Variants in OTOA observed in about 807,000 individuals in gnomAD.
The protein encoded by OTOA is cancer/testis antigen 108.
OTOA carries 70 observed loss-of-function variants against 110.8 expected under a neutral mutation model. The observed-to-expected ratio is 0.63, with a 90% CI of 0.52 to 0.77. The LOEUF (loss-of-function observed/expected upper bound fraction) is 0.77, where lower values mean the gene tolerates loss of function less well. OTOA is among the 30% of genes least tolerant of loss of function. The pLI is 0.00. For missense variants in OTOA, 917 were observed against 1,075.8 expected (o/e 0.85, Z 2.06); for synonymous variants, 373 against 431.5 (o/e 0.86, Z 1.68).
chr16:21,759,858 C>T (rs147360595), intron 28 of OTOA, among the ~76,000 whole-genome samples: 21,542 of 150,874 alleles, frequency 0.14, 1,994 homozygotes, highest in East Asian at 0.27. Context: ...CGAGATGGCG[C>T]CATTGCACTC....
chr16:21,675,151 TTCTC>T (rs1202603333), intron 1 of OTOA, among the ~76,000 whole-genome samples: 1 of 147,776 alleles, frequency 6.8e-6, no homozygotes, highest in Non-Finnish European at 1.5e-5. Context: ...TTCTTTTTCT[TTCTC>T]TCTCTCTCTT....
At chr16:21,664,668 T>C (rs1303626241) in intron 1 of OTOA, among the ~76,000 whole-genome samples, 1 of 152,044 alleles carries the variant, frequency 6.6e-6, no homozygotes, top group African/African-American at 2.4e-5. Context: ...ATAACAGTTG[T>C]GTGGAAGAAA....
intron 21 of OTOA, among the ~76,000 whole-genome samples, chr16:21,734,760 C>T (rs1194297761): frequency 1.3e-5 from 2 of 151,964 alleles, no homozygotes; most frequent in Non-Finnish European, 2.9e-5. Flanking sequence ...CGGCGTGAAC[C>T]CAGGGGGCAG....
rs1262338081 is a variant in OTOA, at chr16:21,689,837, C to T, written c.636-1747C>T. On this transcript the variant is annotated intron_variant, in intron 8 of 28. Coordinates refer to ENST00000646100, the MANE Select transcript of OTOA (RefSeq NM_144672.4). ...AGTAGCTGGGATTACAGGTGCATGC[C>T]ACCACGCCTGGCTACTTTTTGTATT... is the stretch of plus-strand genomic sequence containing the variant. Among the ~76,000 whole-genome samples the T allele has an allele frequency of 3.9e-5, 6 of 152,170 alleles. No homozygotes were observed. In the South Asian group the frequency reaches 1.0e-3, roughly 26 times the overall value.
intron 12 of OTOA, among the ~76,000 whole-genome samples, chr16:21,709,532 A>G (rs1898290501): frequency 6.6e-6 from 1 of 152,220 alleles, no homozygotes; most frequent in Non-Finnish European, 1.5e-5. Context: ...ATATATGGAT[A>G]TAGAGTTCAA....
intron 17 of OTOA, among the ~76,000 whole-genome samples, chr16:21,720,191 A>T (rs1898686480): frequency 6.6e-6 from 1 of 152,120 alleles, no homozygotes; most frequent in Non-Finnish European, 1.5e-5. Context: ...CCTGGGCTCA[A>T]GTGATCCTCC....
chr16:21,671,465 TAATCCTAGCTACTCAGGAGGCTGAGGC>T (rs1307691327), intron 1 of OTOA, among the ~76,000 whole-genome samples: 1 of 151,288 alleles, frequency 6.6e-6, no homozygotes, highest in African/African-American at 2.4e-5. Context: ...TGGGTACCTG[TAATCCTAGCTACTCAGGAGGCTGAGGC>T]AGAAGAATCG....
At chr16:21,755,994 T>C (rs1899973716) in intron 27 of OTOA, among the ~76,000 whole-genome samples, 2 of 149,336 alleles carry the variant, frequency 1.3e-5, no homozygotes, top group African/African-American at 4.9e-5. Context: ...TGTTCTGGAG[T>C]GGGGTTCCTG....
intron 19 of OTOA, among the ~76,000 whole-genome samples, chr16:21,727,666 G>C (rs7184989): frequency 0.56 from 84,683 of 151,862 alleles, 25,965 homozygotes; most frequent in African/African-American, 0.83. Flanking sequence ...GGTGGTTGAA[G>C]TCTGGAATAT....
intron 1 of OTOA, among the ~76,000 whole-genome samples, chr16:21,668,426 A>G (rs949840030): frequency 7.5e-6 from 1 of 133,526 alleles, no homozygotes; most frequent in Non-Finnish European, 1.7e-5. Context: ...ATTTTATTTT[A>G]TGGTATTTTT....
At chr16:21,701,163 T>G in intron 11 of OTOA, 136 bp downstream of exon 11, 6 of 1,344,654 alleles carry the variant, frequency 4.5e-6, no homozygotes, top group Non-Finnish European at 6.2e-6. Flanking sequence ...CATATTTCTC[T>G]GTGCATGTGA....
intron 8 of OTOA, among the ~76,000 whole-genome samples, chr16:21,689,463 G>A (rs533450276): frequency 1.3e-5 from 2 of 152,086 alleles, no homozygotes; most frequent in Non-Finnish European, 2.9e-5. Flanking sequence ...AGAGTTTATT[G>A]GTTACTGCTC....
chr16:21,697,791 G>A lies in OTOA; in HGVS notation c.756G>A (p.Trp252Ter), dbSNP rs757776212. Residue 252 changes from tryptophan to a stop codon, truncating the protein, a stop_gained, in exon 10 of 29, where the codon TGG becomes TGA. Transcript: ENST00000646100. LOFTEE classifies it high-confidence loss of function. ...TTTTTGTAGATGACTCTGCTTCATG[G>A]GTCAGTGCGGAACACTTATGGGTTT... The part of the protein sequence containing the change: ...SSNATDDSAS[W>*]VSAEHLWVLG... The A allele has an allele frequency of 6.2e-7, 1 of 1,613,958 alleles. No individual in the cohort carries two copies. Among genetic ancestry groups the A allele is most frequent in the Non-Finnish European group, 8.5e-7 (1 of 1,179,966 alleles).
intron 24 of OTOA, among the ~76,000 whole-genome samples, chr16:21,749,576 T>C (rs1452749080): frequency 8.1e-5 from 12 of 147,760 alleles, no homozygotes; most frequent in Admixed American, 3.4e-4. Context: ...AGATTGACTA[T>C]AGCCTGTGAT....
chr16:21,714,979 T>C lies in OTOA; in HGVS notation c.1321-6T>C. ...GAGCCTGACTGCGCAGCCGCTCCTC[T>C]TCCAGGTGCTGTCTTTCTACAATGT... is the stretch of plus-strand genomic sequence containing the variant. On this transcript the variant is annotated splice_polypyrimidine_tract_variant and splice_region_variant and intron_variant, in intron 13 of 28. Coordinates refer to ENST00000646100, the MANE Select transcript of OTOA (RefSeq NM_144672.4). 1 of 1,614,134 alleles carries C rather than the reference T, an allele frequency of 6.2e-7. No homozygotes were observed. Among genetic ancestry groups the C allele is most frequent in the Non-Finnish European group, 8.5e-7 (1 of 1,179,992 alleles).
intron 9 of OTOA, among the ~76,000 whole-genome samples, chr16:21,694,538 G>T (rs1483639266): frequency 1.3e-5 from 2 of 152,144 alleles, no homozygotes; most frequent in Non-Finnish European, 2.9e-5. Flanking sequence ...ATGGATTGTA[G>T]TTTGCCAACT....
intron 11 of OTOA, 139 bp downstream of exon 11, chr16:21,701,166 G>C (rs2141675991): frequency 7.6e-7 from 1 of 1,319,278 alleles, no homozygotes; most frequent in Non-Finnish European, 1.1e-6. Context: ...ATTTCTCTGT[G>C]CATGTGAGGA....
intron 11 of OTOA, among the ~76,000 whole-genome samples, chr16:21,702,599 T>C (rs1305970898): frequency 6.6e-6 from 1 of 152,212 alleles, no homozygotes; most frequent in African/African-American, 2.4e-5. Context: ...GATAAAAATA[T>C]GCCTACTGCA....
At chr16:21,759,556 A>T (rs1362921507) in intron 28 of OTOA, among the ~76,000 whole-genome samples, 1 of 151,398 alleles carries the variant, frequency 6.6e-6, no homozygotes, top group Non-Finnish European at 1.5e-5. Flanking sequence ...TGTCTGTAGG[A>T]TAAACTCTTC....
Sources: allele counts gnomAD v4.1 joint callset (sites outside exome capture counted in the v4.1 genomes callset), GRCh38; gene constraint gnomAD v4.1.1; transcripts MANE v1.5; gene names NCBI Gene and HGNC (gene_info 2026-07-23, HGNC 2026-07-21).